Variants in MAP3K19 observed in about 807,000 individuals in gnomAD.
MAP3K19 encodes the protein SPS1/STE20-related protein kinase YSK4.
MAP3K19 carries 91 observed loss-of-function variants against 114.4 expected under a neutral mutation model. The ratio of observed to expected loss-of-function variants is 0.80; its 90% CI spans 0.67 to 0.95. The LOEUF (loss-of-function observed/expected upper bound fraction) is 0.95, where lower values mean the gene tolerates loss of function less well. Ranked by LOEUF, MAP3K19 falls within the 40% of genes least tolerant of loss-of-function variation. MAP3K19 has a pLI of 0.00. For synonymous variants in MAP3K19, 518 were observed against 530.5 expected (o/e 0.98, Z 0.32); for missense variants, 1,471 against 1,573.2 (o/e 0.94, Z 1.10).
chr2:135,011,964 A>G (rs1687266310), intron 5 of MAP3K19, among the ~76,000 whole-genome samples: 1 of 152,216 alleles, frequency 6.6e-6, no homozygotes, highest in South Asian at 2.1e-4. Context: ...GTCCTTTTAA[A>G]AAGAAAATTG....
rs1246182453 is a variant in MAP3K19 at position 134,983,845 on chromosome 2, G to A, written c.3073-20C>T. 6.5e-7 allele frequency: 1 copy of A among 1,538,916 alleles called. No individual in the cohort carries two copies. Among genetic ancestry groups the A allele is most frequent in the Non-Finnish European group, 8.7e-7 (1 of 1,146,036 alleles). ...ATGCCTCTGGAAGAATGAGACAAAA[G>A]GAAAGATGACCATTAAACCAAGTCA... is the stretch of plus-strand genomic sequence containing the variant. On this transcript the variant is annotated intron_variant, in intron 10 of 12. Coordinates refer to ENST00000392915, the MANE Select transcript of MAP3K19 (RefSeq NM_025052.5).
intron 3 of MAP3K19, among the ~76,000 whole-genome samples, chr2:135,028,062 G>A (rs921001925): frequency 2.0e-5 from 3 of 152,176 alleles, no homozygotes; most frequent in Admixed American, 6.5e-5. Context: ...TTAACTGGGT[G>A]TCCTGTATTT....
Position 134,998,771 on chromosome 2 carries a change from G to A in MAP3K19, c.541C>T (p.His181Tyr), listed in dbSNP as rs756209661. 1.5e-5 allele frequency: 24 copies of A among 1,602,014 alleles called. No homozygotes were observed. Among genetic ancestry groups the A allele is most frequent in the South Asian group, 2.2e-5 (2 of 89,148 alleles). The change falls in exon 8 of 13, where the codon CAT (histidine) becomes TAT (tyrosine). Residue 181 changes from histidine (H) to tyrosine (Y), a missense_variant. Coordinates refer to ENST00000392915, the MANE Select transcript of MAP3K19 (RefSeq NM_025052.5). ...SKSVTREDAPHFLKEQQRKSE... is the reference protein window; with the variant it reads ...SKSVTREDAPYFLKEQQRKSE... ...TTTCTTTGCTGCTCCTTCAGAAAATGAGGAGCATCTTCTCTGGTTACAGAC... is the reference window on the plus strand; with the variant it reads ...TTTCTTTGCTGCTCCTTCAGAAAATAAGGAGCATCTTCTCTGGTTACAGAC...
Position 134,981,119 on chromosome 2 carries a change from C to A in MAP3K19, c.3622G>T (p.Ala1208Ser), listed in dbSNP as rs200326947. The change falls in exon 12 of 13, where the codon GCC (alanine) becomes TCC (serine). Residue 1208 changes from alanine (A) to serine (S), a missense_variant. Physicochemically the swap from Ala to Ser is moderately conservative, Grantham distance 99. Transcript: ENST00000392915. ...GIIKLIDFGC[A>S]RRLAWAGLNG... is the part of the protein sequence containing the mutation. ...AAACCTGCCCAGGCCAAACGCCTGG[C>A]ACAGCCAAAGTCAATCAGCTTTATT... The A allele has an allele frequency of 6.2e-7, 1 of 1,614,210 alleles. No individual in the cohort carries two copies.
intron 10 of MAP3K19, among the ~76,000 whole-genome samples, chr2:134,985,096 C>T (rs886558556): frequency 3.9e-5 from 6 of 152,158 alleles, no homozygotes; most frequent in African/African-American, 1.4e-4. Context: ...TTAGTGAAAA[C>T]GATAACAAAG....
intron 3 of MAP3K19, among the ~76,000 whole-genome samples, chr2:135,029,379 CAAAT>C (rs1199813605): frequency 1.3e-5 from 2 of 151,890 alleles, no homozygotes; most frequent in African/African-American, 2.4e-5. Context: ...GTCAAAAAAA[CAAAT>C]AAACAAACAA....
chr2:134,967,261 C>T (rs1434323059), intron 12 of MAP3K19, among the ~76,000 whole-genome samples: 1 of 152,142 alleles, frequency 6.6e-6, no homozygotes, highest in African/African-American at 2.4e-5. Context: ...CCGTATTGTC[C>T]AAAGTTTCTC....
At chr2:135,017,900 T>C (rs1687682190) in intron 5 of MAP3K19, among the ~76,000 whole-genome samples, 1 of 152,246 alleles carries the variant, frequency 6.6e-6, no homozygotes, top group Non-Finnish European at 1.5e-5. Flanking sequence ...TTGTTTTATG[T>C]ACCACTAAAA....
chr2:134,981,640 C>T lies in MAP3K19; in HGVS notation c.3223-122G>A, dbSNP rs369135500. 5 of 741,976 alleles carry T rather than the reference C, an allele frequency of 6.7e-6. No homozygotes were observed. The Middle Eastern group carries it at 9.1e-4, about 135-fold the overall frequency. 46.0% of individuals were successfully genotyped at this position (741,976 alleles called of 1,614,324 possible). ...ACCCTTGTCTTTCTCTAAGTTGATA[C>T]CTCCCTTCCTAAATGCAAAGTGTTT... On this transcript the variant is annotated intron_variant, in intron 11 of 12. Coordinates refer to ENST00000392915, the MANE Select transcript of MAP3K19 (RefSeq NM_025052.5).
At position 134,969,022 on chromosome 2, in the gene MAP3K19, G is replaced by A. The variant is rs1046359462; in HGVS notation, c.3921-4106C>T. On this transcript the variant is annotated intron_variant, in intron 12 of 12. Transcript: ENST00000392915. ...GCTGCTGGGAGGTGGAGGTTGTAGC[G>A]AACCGGGATCACGCCGCTGCACTCC... 4.3e-4 allele frequency among the ~76,000 whole-genome samples: 66 copies of A among 152,178 alleles called. 1 individual carries two copies. Among genetic ancestry groups the A allele is most frequent in the African/African-American group, 7.2e-4 (30 of 41,444 alleles).
At chr2:134,968,566 G>A (rs1194337627) in intron 12 of MAP3K19, among the ~76,000 whole-genome samples, 3 of 150,268 alleles carry the variant, frequency 2.0e-5, no homozygotes, top group Non-Finnish European at 3.0e-5. Flanking sequence ...GGTGGCTGCC[G>A]GGCGGAGGGG....
At chr2:135,037,271 T>A (rs1688552621) in intron 2 of MAP3K19, among the ~76,000 whole-genome samples, 1 of 152,236 alleles carries the variant, frequency 6.6e-6, no homozygotes, top group Non-Finnish European at 1.5e-5. Context: ...GTGCTGGGAT[T>A]ACAGGCGTGA....
intron 9 of MAP3K19, chr2:134,991,250 G>A (rs987080628): frequency 5.8e-6 from 2 of 347,276 alleles, no homozygotes; most frequent in South Asian, 3.0e-5. Context: ...GCAGTGAGCC[G>A]AGATTGCACC....
In MAP3K19 at chr2:135,005,502, A is replaced by T. The variant is rs751171860; in HGVS notation, c.168T>A (p.His56Gln). 8.7e-6 allele frequency: 14 copies of T among 1,613,986 alleles called. No homozygotes were observed. The highest frequency in any genetic ancestry group is 1.2e-5 in the Non-Finnish European group (14 of 1,179,964). ...EEFDQDGDCSHSTLVNEEEDP... is the reference protein window; with the variant it reads ...EEFDQDGDCSQSTLVNEEEDP... The stretch of plus-strand genomic sequence containing the variant: ...CTTCTTCTTCATTAACCAGTGTGGA[A>T]TGACTGCAGTCACCATCTTGGTCGA... The change falls in exon 6 of 13, where the codon CAT becomes CAA. Residue 56 changes from histidine (H) to glutamine (Q), a missense_variant. Physicochemically the swap from His to Gln is conservative, Grantham distance 24. Coordinates refer to ENST00000392915, the MANE Select transcript of MAP3K19 (RefSeq NM_025052.5).
intron 4 of MAP3K19, among the ~76,000 whole-genome samples, chr2:135,023,952 G>A (rs11889843): frequency 0.31 from 47,151 of 151,788 alleles, 11,055 homozygotes; most frequent in African/African-American, 0.64. Flanking sequence ...CCCTCCATGG[G>A]CCCAGTTTCT....
In MAP3K19 at chr2:134,987,132, C is replaced by T. The variant is rs1376425407; in HGVS notation, c.1740G>A (p.Val580=). The change falls in exon 10 of 13, where the codon GTG becomes GTA. Residue 580 remains valine (V), a synonymous_variant. Coordinates refer to ENST00000392915, the MANE Select transcript of MAP3K19 (RefSeq NM_025052.5). ...KTQIFPALGL[V]DPRPWQLPRF... ...TGGGCAATTGCCAAGGCCTGGGGTC[C>T]ACAAGTCCCAAAGCCGGGAAAATTT... 6.2e-7 allele frequency: 1 copy of T among 1,614,006 alleles called. No individual in the cohort carries two copies. Among genetic ancestry groups the T allele is most frequent in the South Asian group, 1.1e-5 (1 of 91,084 alleles).
At chr2:135,020,608 C>T (rs989274062) in intron 5 of MAP3K19, among the ~76,000 whole-genome samples, 1 of 152,196 alleles carries the variant, frequency 6.6e-6, no homozygotes, top group South Asian at 2.1e-4. Context: ...TATGATTTGG[C>T]TCTGTGTTCC....
At chr2:134,980,689 G>A (rs966460337) in intron 12 of MAP3K19, 132 bp downstream of exon 12, 10 of 760,000 alleles carry the variant, frequency 1.3e-5, no homozygotes, top group African/African-American at 3.5e-5. Context: ...GATTACTTTC[G>A]GCACAAAATC....
At chr2:135,032,611 TTTTA>T (rs995429534) in intron 2 of MAP3K19, among the ~76,000 whole-genome samples, 43 of 151,344 alleles carry the variant, frequency 2.8e-4, no homozygotes, top group African/African-American at 8.2e-4. Context: ...TTTAATTTTA[TTTTA>T]TTTATTTATT....
Sources: allele counts gnomAD v4.1 joint callset (sites outside exome capture counted in the v4.1 genomes callset), GRCh38; gene constraint gnomAD v4.1.1; transcripts MANE v1.5; gene names NCBI Gene and HGNC (gene_info 2026-07-23, HGNC 2026-07-21).